Variants in ZNF407 observed in about 807,000 individuals in gnomAD.
ZNF407 encodes the protein zinc finger protein 407.
ZNF407 carries 17 observed loss-of-function variants against 131.2 expected under a neutral mutation model. That is an observed-to-expected ratio of 0.13 (90% CI 0.09 to 0.19). The LOEUF (loss-of-function observed/expected upper bound fraction) is 0.19, where lower values mean the gene tolerates loss of function less well. Among genes scored for constraint, ZNF407 ranks in the 10% least tolerant of loss-of-function variants. The probability of loss-of-function intolerance (pLI) is 1.00; values close to 1 mark genes in which losing one functional copy is unlikely to be tolerated. For synonymous variants in ZNF407, 1,156 were observed against 1,062.0 expected (o/e 1.09, Z -1.72); for missense variants, 2,681 against 2,830.6 (o/e 0.95, Z 1.20).
At position 74,881,079 on chromosome 18, in the gene ZNF407, G is replaced by A. The variant is rs1971230953; in HGVS notation, c.5088G>A (p.Gly1696=). 2 of 1,565,106 alleles carry A rather than the reference G, an allele frequency of 1.3e-6. No individual in the cohort carries two copies. The highest frequency in any genetic ancestry group is 1.7e-6 in the Non-Finnish European group (2 of 1,155,568). Residue 1696 remains glycine (G), a synonymous_variant, in exon 6 of 9, where the codon GGG becomes GGA. Coordinates refer to ENST00000299687, the MANE Select transcript of ZNF407 (RefSeq NM_017757.3). ...FLCDLCGFAG[G]TRHALTKHRR... ...GTGACCTCTGCGGCTTTGCCGGCGG[G>A]ACCCGCCACGCCCTCACCAAGCATC...
intron 8 of ZNF407, among the ~76,000 whole-genome samples, chr18:75,026,162 T>C (rs1446677532): frequency 6.6e-6 from 1 of 152,244 alleles, no homozygotes; most frequent in African/African-American, 2.4e-5. Context: ...CTTTTTAATA[T>C]ATTGTAATAT....
chr18:74,914,771 A>G (rs1438648851), intron 7 of ZNF407, among the ~76,000 whole-genome samples: 2 of 152,156 alleles, frequency 1.3e-5, no homozygotes, highest in Non-Finnish European at 2.9e-5. Context: ...GTCTGCTGCC[A>G]GGAATAAGAG....
At chr18:74,979,816 A>C (rs1046850232) in intron 8 of ZNF407, among the ~76,000 whole-genome samples, 4 of 152,210 alleles carry the variant, frequency 2.6e-5, no homozygotes, top group African/African-American at 9.7e-5. Flanking sequence ...ACACCACTTT[A>C]CGTATCTGTG....
intron 4 of ZNF407, among the ~76,000 whole-genome samples, chr18:74,832,021 C>A (rs1416995763): frequency 6.6e-6 from 1 of 152,184 alleles, no homozygotes; most frequent in South Asian, 2.1e-4. Context: ...GAAGCCTTGG[C>A]GCTGTGAAAA....
intron 8 of ZNF407, among the ~76,000 whole-genome samples, chr18:75,054,524 C>T (rs1973539705): frequency 6.6e-6 from 1 of 152,186 alleles, no homozygotes; most frequent in South Asian, 2.1e-4. Flanking sequence ...GTCTTGTTAG[C>T]CTTTTAAAGT....
intron 4 of ZNF407, among the ~76,000 whole-genome samples, chr18:74,787,921 C>T (rs1197311754): frequency 6.6e-6 from 1 of 152,184 alleles, no homozygotes; most frequent in Non-Finnish European, 1.5e-5. Context: ...CATGGAAATA[C>T]ATCTTTCTTT....
intron 1 of ZNF407, among the ~76,000 whole-genome samples, chr18:74,618,268 C>G (rs1255347291): frequency 1.3e-5 from 2 of 152,142 alleles, no homozygotes; most frequent in Non-Finnish European, 2.9e-5. Context: ...TGGAATCAGC[C>G]ATTTCTTGAG....
intron 8 of ZNF407, among the ~76,000 whole-genome samples, chr18:74,964,197 A>G (rs1462217508): frequency 1.3e-5 from 2 of 152,180 alleles, no homozygotes; most frequent in East Asian, 1.9e-4. Context: ...CTGGACCCCA[A>G]ATGGATGGGA....
chr18:74,868,191 A>G (rs1328906619), intron 4 of ZNF407, among the ~76,000 whole-genome samples: 1 of 152,210 alleles, frequency 6.6e-6, no homozygotes, highest in Non-Finnish European at 1.5e-5. Context: ...GTGTAGGTAT[A>G]TAGCTTGAAG....
Position 74,633,752 on chromosome 18 carries a change from A to C in ZNF407, c.2733A>C (p.Ala911=). The C allele has an allele frequency of 1.2e-5, 19 of 1,614,034 alleles. No individual in the cohort carries two copies. The highest frequency in any genetic ancestry group is 1.6e-5 in the Non-Finnish European group (19 of 1,179,904). ...ATAAAGGACGGGTAGAAATAGAAGC[A>C]AGTGGAAAACACAGTTCAGATATCA... ...KKHKGRVEIE[A]SGKHSSDIIV... is the part of the protein sequence containing the mutation. The change falls in exon 2 of 9, where the codon GCA becomes GCC. Residue 911 remains alanine, a synonymous_variant. Coordinates refer to ENST00000299687, the MANE Select transcript of ZNF407 (RefSeq NM_017757.3).
chr18:75,002,998 A>G (rs1169623119), intron 8 of ZNF407, among the ~76,000 whole-genome samples: 4 of 152,160 alleles, frequency 2.6e-5, no homozygotes, highest in Non-Finnish European at 2.9e-5. Flanking sequence ...CTTAGCATCC[A>G]TATCACACTT....
intron 8 of ZNF407, among the ~76,000 whole-genome samples, chr18:74,939,871 T>C (rs1972077653): frequency 6.6e-6 from 1 of 152,360 alleles, no homozygotes; most frequent in East Asian, 1.9e-4. Flanking sequence ...ACTTGTCTTA[T>C]GATGAGATAA....
At position 74,666,200 on chromosome 18, in the gene ZNF407, C is replaced by T. The variant is rs927466073; in HGVS notation, c.4802+25078C>T. On this transcript the variant is annotated intron_variant, in intron 3 of 8. Coordinates refer to ENST00000299687, the MANE Select transcript of ZNF407 (RefSeq NM_017757.3). The stretch of plus-strand genomic sequence containing the variant: ...GCCCTGTGTGCCCCGTTTTCAGACT[C>T]GCCATTGGCTACCATCAGCTTGCAG... Among the ~76,000 whole-genome samples the T allele has an allele frequency of 7.9e-5, 12 of 152,270 alleles. No homozygotes were observed. In the East Asian group the frequency reaches 1.2e-3, roughly 15 times the overall value.
chr18:74,753,940 C>T (rs1968866966), intron 3 of ZNF407, among the ~76,000 whole-genome samples: 1 of 151,760 alleles, frequency 6.6e-6, no homozygotes, highest in Non-Finnish European at 1.5e-5. Context: ...GATAACAGCT[C>T]CTCTTTGTAG....
In ZNF407 at chr18:74,878,738, A is replaced by G. The variant is rs17055795; in HGVS notation, c.5044+1375A>G. Reference sequence around the variant, plus strand: ...AAGTTGTTACAAAAAGAAGTCTCCCATTATATCTCTGCTATCATATAAATA... The same window carrying G: ...AAGTTGTTACAAAAAGAAGTCTCCCGTTATATCTCTGCTATCATATAAATA... On this transcript the variant is annotated intron_variant, in intron 5 of 8. Coordinates refer to ENST00000299687, the MANE Select transcript of ZNF407 (RefSeq NM_017757.3). 4.2e-3 allele frequency among the ~76,000 whole-genome samples: 638 copies of G among 152,278 alleles called. 4 individuals carry two copies. The highest frequency in any genetic ancestry group is 0.014 in the African/African-American group (583 of 41,550).
At chr18:75,038,029 A>T (rs1568308349) in intron 8 of ZNF407, among the ~76,000 whole-genome samples, 1 of 152,230 alleles carries the variant, frequency 6.6e-6, no homozygotes, top group Non-Finnish European at 1.5e-5. Flanking sequence ...GCAAATCATA[A>T]CGTGAAGACT....
chr18:74,807,259 G>C (rs1327267930), intron 4 of ZNF407, among the ~76,000 whole-genome samples: 1 of 152,194 alleles, frequency 6.6e-6, no homozygotes, highest in Admixed American at 6.5e-5. Flanking sequence ...GGAGGGAACA[G>C]AAAGTACAGT....
intron 1 of ZNF407, among the ~76,000 whole-genome samples, chr18:74,626,875 C>T (rs1187415872): frequency 1.3e-5 from 2 of 152,152 alleles, no homozygotes; most frequent in African/African-American, 4.8e-5. Flanking sequence ...GGACCAGCTG[C>T]GAAGGTGCAT....
At chr18:74,671,067 C>G (rs2144751905) in intron 3 of ZNF407, among the ~76,000 whole-genome samples, 1 of 152,326 alleles carries the variant, frequency 6.6e-6, no homozygotes, top group South Asian at 2.1e-4. Flanking sequence ...TCTTGAACAA[C>G]TGAAACTCTG....
Sources: gnomAD v4.1 joint callset for allele counts (sites outside exome capture counted in the v4.1 genomes callset) on GRCh38, gnomAD v4.1.1 for gene constraint, MANE v1.5 for transcripts, NCBI Gene and HGNC (gene_info 2026-07-23, HGNC 2026-07-21) for gene names.